ATAD3B: variants seen among roughly 807,000 people sequenced by gnomAD.
ATAD3B encodes the protein ATPase family AAA domain-containing protein 3B.
Under a neutral mutation model 70.2 loss-of-function variants are expected in ATAD3B, and 59 were observed. The observed-to-expected ratio is 0.84, with a 90% confidence interval of 0.68 to 1.04. ATAD3B has a LOEUF of 1.04. Among genes scored for constraint, ATAD3B ranks in the 50% least tolerant of loss-of-function variants. ATAD3B has a pLI of 0.00. For synonymous variants in ATAD3B, 423 were observed against 388.6 expected, an observed-to-expected ratio of 1.09 and a Z score of -1.04; for missense variants, 961 against 913.4, an observed-to-expected ratio of 1.05 and a Z score of -0.67.
chr1:1,499,399 G>C (rs539426538), downstream of ATAD3B, among the ~76,000 whole-genome samples: 6 of 147,256 alleles, frequency 4.1e-5, no homozygotes, highest in Non-Finnish European at 7.4e-5. Context: ...ACCACGCCCA[G>C]CTACTTTTTG....
At chr1:1,499,671 G>A (rs1441308521), downstream of ATAD3B, among the ~76,000 whole-genome samples, 1 of 132,974 alleles carries the variant, frequency 7.5e-6, no homozygotes, top group Admixed American at 9.0e-5. Context: ...TCTGGTCACT[G>A]CAACCTCCGC....
chr1:1,480,717 G>T, intron 4 of ATAD3B, 150 bp from the exon 5 acceptor site: 1 of 1,423,352 alleles, frequency 7.0e-7, no homozygotes, highest in Non-Finnish European at 9.4e-7. Flanking sequence ...GATGTCACCC[G>T]TGTCTGTGTC....
In ATAD3B at chr1:1,496,393, G is replaced by A. The variant is rs1191147211; in HGVS notation, c.*576G>A. The A allele has an allele frequency of 2.7e-5, 9 of 332,346 alleles. No individual in the cohort carries two copies. Among genetic ancestry groups the A allele is most frequent in the South Asian group, 1.2e-4 (1 of 8,390 alleles). 20.6% of individuals were successfully genotyped at this position (332,346 alleles called of 1,614,324 possible). On this transcript the variant is annotated 3_prime_UTR_variant, in exon 16 of 16. Coordinates refer to ENST00000673477, the MANE Select transcript of ATAD3B (RefSeq NM_031921.6). ...GGTCTGAATGCTGCCCGGGACTGCC[G>A]CCTGCGCCCCACCAGCCCCTCCCTC... is the stretch of plus-strand genomic sequence containing the variant.
At chr1:1,502,947 G>C in the ATAD3B span, among the ~76,000 whole-genome samples, 1 of 151,348 alleles carries the variant, frequency 6.6e-6, no homozygotes, top group Admixed American at 6.6e-5. Context: ...ACATCAGGCC[G>C]GGCACAGTGG....
In ATAD3B at chr1:1,496,015, G is replaced by C; in HGVS notation, c.*198G>C. 1 of 1,341,114 alleles carries C rather than the reference G, an allele frequency of 7.5e-7. No individual in the cohort carries two copies. The highest frequency in any genetic ancestry group is 3.2e-5 in the Admixed American group (1 of 30,928). The allele number at this position is 1,341,114 out of a possible 1,614,324, so 83.1% of individuals were successfully genotyped here. A position where few individuals can be genotyped will look rare whatever the true frequency, so the allele number is the denominator to read the frequency against. ...GGGGTCTTTGTTCTCGGCTCCCACA[G>C]CAGAGCCAGGTGAGGGGGGGCCTGC... On this transcript the variant is annotated 3_prime_UTR_variant, in exon 16 of 16. Coordinates refer to ENST00000673477, the MANE Select transcript of ATAD3B (RefSeq NM_031921.6).
rs538528573 is a variant in ATAD3B at position 1,485,665 on chromosome 1, C to T, written c.907-117C>T. 7.6e-5 allele frequency: 114 copies of T among 1,499,980 alleles called. No homozygotes were observed. The African/African-American group carries it at 1.5e-3, about 19-fold the overall frequency. The allele number at this position is 1,499,980 out of a possible 1,614,324, so 92.9% of individuals were successfully genotyped here. On this transcript the variant is annotated intron_variant, in intron 8 of 15. Transcript: ENST00000673477. ...GCAGGGTTCCAGCTCCGGGCCGGTC[C>T]TGGCTGTGCTTTGGGGCAGCTCCGT... is the stretch of plus-strand genomic sequence containing the variant.
chr1:1,492,857 T>C (rs2100598229), intron 15 of ATAD3B, among the ~76,000 whole-genome samples: 1 of 151,384 alleles, frequency 6.6e-6, no homozygotes, highest in South Asian at 2.1e-4. Context: ...GAGGATCGCT[T>C]GAACCCGGGA....
chr1:1,500,780 C>A (rs956250517), downstream of ATAD3B, among the ~76,000 whole-genome samples: 8 of 150,750 alleles, frequency 5.3e-5, no homozygotes, highest in African/African-American at 2.0e-4. Context: ...GGTGAAACCC[C>A]GTCTCTACTA....
chr1:1,490,563 G>A lies in ATAD3B; in HGVS notation c.1506G>A (p.Arg502=). The change falls in exon 15 of 16, where the codon CGG becomes CGA. Residue 502 remains arginine (R), a splice_region_variant and synonymous_variant. Transcript: ENST00000673477. ...CCTCACTTGGGAACTCCTTCCCCAG[G>A]CGCCTGAAGCTGGCCCAGTTTGACT... The part of the protein sequence containing the change: ...CVLKPATEGK[R]RLKLAQFDYG... 6.2e-7 allele frequency: 1 copy of A among 1,611,062 alleles called. No homozygotes were observed. The highest frequency in any genetic ancestry group is 8.5e-7 in the Non-Finnish European group (1 of 1,179,006).
At chr1:1,508,326 C>A in the ATAD3B span, among the ~76,000 whole-genome samples, 2 of 151,320 alleles carry the variant, frequency 1.3e-5, no homozygotes, top group Non-Finnish European at 2.9e-5. Context: ...ACGGGCACCA[C>A]GTGGTCATCC....
chr1:1,481,820 G>T (rs1639917262), intron 5 of ATAD3B, among the ~76,000 whole-genome samples: 1 of 152,050 alleles, frequency 6.6e-6, no homozygotes, highest in African/African-American at 2.4e-5. Flanking sequence ...CCCTACCAAG[G>T]TCTGTGTGTG....
Position 1,471,802 on chromosome 1 carries a change from G to T in ATAD3B, c.-83G>T. On this transcript the variant is annotated 5_prime_UTR_variant, in exon 1 of 16. Transcript: ENST00000673477. The stretch of plus-strand genomic sequence containing the variant: ...CAGTGGTCCTGGCCACCGGCTCGCG[G>T]CGCGTGGAGGCTGCTCCCAGCCGCG... The T allele has an allele frequency of 1.6e-6, 2 of 1,224,322 alleles. 1 individual carries two copies. The highest frequency in any genetic ancestry group is 2.0e-6 in the Non-Finnish European group (2 of 981,416). The allele number at this position is 1,224,322 out of a possible 1,614,324, so 75.8% of individuals were successfully genotyped here.
intron 4 of ATAD3B, among the ~76,000 whole-genome samples, chr1:1,479,693 ACT>A (rs1639798419): frequency 7.2e-6 from 1 of 139,512 alleles, no homozygotes; most frequent in African/African-American, 2.8e-5. Context: ...TCAGGCACAC[ACT>A]CCCGCATGGG....
At chr1:1,486,263 C>T in intron 10 of ATAD3B, 28 bp downstream of exon 10, 1 of 1,612,136 alleles carries the variant, frequency 6.2e-7, no homozygotes, top group African/African-American at 1.3e-5. Context: ...AACAGGTGGG[C>T]CAGGGGCCGC....
At chr1:1,499,052 A>G (rs1640881576), downstream of ATAD3B, among the ~76,000 whole-genome samples, 1 of 150,988 alleles carries the variant, frequency 6.6e-6, no homozygotes, top group South Asian at 2.1e-4. Flanking sequence ...GCTCACTGCA[A>G]GCTCCACCTC....
rs1640492433 is a variant in ATAD3B, at chr1:1,490,632, G to T, written c.1575G>T (p.Met525Ile). Reference protein sequence around the residue: ...CSEVARLTEGMSGREIAQLAV... With the variant: ...CSEVARLTEGISGREIAQLAV... ...AGGTCGCTCGGCTGACGGAGGGCAT[G>T]TCGGGCCGGGAGATCGCTCAGCTGG... Residue 525 changes from methionine to isoleucine, a missense_variant, in exon 15 of 16, where the codon ATG (methionine) becomes ATT (isoleucine). Physicochemically the swap from Met to Ile is conservative, Grantham distance 10. Coordinates refer to ENST00000673477, the MANE Select transcript of ATAD3B (RefSeq NM_031921.6). 6.2e-7 allele frequency: 1 copy of T among 1,606,206 alleles called. No individual in the cohort carries two copies. Among genetic ancestry groups the T allele is most frequent in the Non-Finnish European group, 8.5e-7 (1 of 1,177,240 alleles).
chr1:1,484,836 C>T (rs1640113929), intron 7 of ATAD3B, 180 bp from the exon 8 acceptor site: 1 of 1,394,580 alleles, frequency 7.2e-7, no homozygotes, highest in South Asian at 1.5e-5. Flanking sequence ...GCCCCACCTG[C>T]CTCCTGTAAC....
chr1:1,499,512 G>A (rs902378408), downstream of ATAD3B, among the ~76,000 whole-genome samples: 3 of 151,472 alleles, frequency 2.0e-5, no homozygotes, highest in Non-Finnish European at 2.9e-5. Flanking sequence ...GATTACAGGC[G>A]TGAGCCACCG....
At chr1:1,499,112 C>G (rs958248731), downstream of ATAD3B, among the ~76,000 whole-genome samples, 1 of 151,682 alleles carries the variant, frequency 6.6e-6, no homozygotes, top group Admixed American at 6.6e-5. Context: ...GCTGGGACCA[C>G]AGGTGCCCGC....
Sources: allele counts gnomAD v4.1 joint callset (sites outside exome capture counted in the v4.1 genomes callset), GRCh38; gene constraint gnomAD v4.1.1; transcripts MANE v1.5; gene names NCBI Gene and HGNC (gene_info 2026-07-23, HGNC 2026-07-21).